Variants in FGD4 observed in about 807,000 individuals in gnomAD.
The protein encoded by FGD4 is FYVE, RhoGEF and PH domain-containing protein 4.
Under a neutral mutation model 102.0 loss-of-function variants are expected in FGD4, and 42 were observed. That is an observed-to-expected ratio of 0.41 (90% CI 0.32 to 0.53). The LOEUF (loss-of-function observed/expected upper bound fraction) is 0.53, where lower values mean the gene tolerates loss of function less well. Ranked by LOEUF, FGD4 falls within the 20% of genes least tolerant of loss-of-function variation. The pLI is 0.21. For synonymous variants in FGD4, 380 were observed against 375.7 expected (o/e 1.01, Z -0.13); for missense variants, 902 against 1,078.2 (o/e 0.84, Z 2.29).
intron 1 of FGD4, among the ~76,000 whole-genome samples, chr12:32,509,868 C>A (rs1048022273): frequency 2.0e-5 from 3 of 152,134 alleles, no homozygotes; most frequent in African/African-American, 7.2e-5. Flanking sequence ...CTCTTAGGAT[C>A]CCTCTGTGAA....
Position 32,619,702 on chromosome 12 carries a change from A to G in FGD4, c.1754A>G (p.Asn585Ser). ...ATATGTTCTCGTTCCTTGCAGTTCA[A>G]CAACATGTTGCTGTACTGTGTGCCC... ...SAQERYLFLF[N>S]NMLLYCVPKF... Residue 585 changes from asparagine (N) to serine (S), a missense_variant, in exon 11 of 17, where the codon AAC (asparagine) becomes AGC (serine). Transcript: ENST00000534526. 6.2e-7 allele frequency: 1 copy of G among 1,614,102 alleles called. No individual in the cohort carries two copies.
At position 32,399,979 on chromosome 12, in the gene FGD4, G is replaced by A. The variant is rs1198429164; in HGVS notation, c.166+20G>A. On this transcript the variant is annotated intron_variant, in intron 1 of 16. Coordinates refer to ENST00000534526, the MANE Select transcript of FGD4 (RefSeq NM_001370298.3). ...CCACAGGTAAGCGCCTCGGGGCGCG[G>A]GGGAAGGGTGGCCCCGGCGCGTAGG... The A allele has an allele frequency of 1.4e-6, 2 of 1,440,014 alleles. No individual in the cohort carries two copies. The highest frequency in any genetic ancestry group is 5.6e-5 in the East Asian group (2 of 35,982). The allele number at this position is 1,440,014 out of a possible 1,614,324, so 89.2% of individuals were successfully genotyped here.
intron 1 of FGD4, among the ~76,000 whole-genome samples, chr12:32,451,677 C>T (rs1031914253): frequency 2.6e-5 from 4 of 151,292 alleles, no homozygotes; most frequent in South Asian, 2.1e-4. Context: ...AAGGCCGAGG[C>T]GGGTGGATCA....
chr12:32,468,757 T>C (rs935503334), intron 1 of FGD4, among the ~76,000 whole-genome samples: 3 of 152,164 alleles, frequency 2.0e-5, no homozygotes, highest in Non-Finnish European at 4.4e-5. Context: ...GAAAAGATAT[T>C]GTAACCATGT....
intron 3 of FGD4, among the ~76,000 whole-genome samples, chr12:32,580,520 A>G (rs1946518762): frequency 6.6e-6 from 1 of 152,174 alleles, no homozygotes; most frequent in Non-Finnish European, 1.5e-5. Flanking sequence ...TTTAGGTCAC[A>G]GGAATCTTTC....
chr12:32,400,801 A>G (rs916378198), intron 1 of FGD4, among the ~76,000 whole-genome samples: 1 of 152,232 alleles, frequency 6.6e-6, no homozygotes, highest in Non-Finnish European at 1.5e-5. Context: ...CAGCAGAAAT[A>G]CAAATAATTC....
At chr12:32,400,027 CG>C in intron 1 of FGD4, 68 bp downstream of exon 1, 1 of 1,401,970 alleles carries the variant, frequency 7.1e-7, no homozygotes, top group South Asian at 1.5e-5. Flanking sequence ...GCGCTCCCAG[CG>C]CCCTGCAGGT....
rs535117781 is a variant in FGD4, at chr12:32,575,329, C to T, written c.320-937C>T. Among the ~76,000 whole-genome samples, 1,156 of 152,198 alleles carry T rather than the reference C, an allele frequency of 7.6e-3. 10 individuals are homozygous for T. Among genetic ancestry groups the T allele is most frequent in the African/African-American group, 0.026 (1,093 of 41,524 alleles). On this transcript the variant is annotated intron_variant, in intron 2 of 16. Transcript: ENST00000534526. ...TTCTGGTGAGAGCCTCAGGCTGCTT[C>T]CATTCATGGCAGAAGATAAAGGGTA... is the stretch of plus-strand genomic sequence containing the variant.
At chr12:32,595,245 T>C (rs1447950326) in intron 4 of FGD4, among the ~76,000 whole-genome samples, 1 of 152,190 alleles carries the variant, frequency 6.6e-6, no homozygotes, top group African/African-American at 2.4e-5. Context: ...TTTTATCTCT[T>C]TTTCCTTATA....
intron 4 of FGD4, among the ~76,000 whole-genome samples, chr12:32,590,309 T>TA (rs939160366): frequency 0.053 from 4,227 of 80,344 alleles, 164 homozygotes; most frequent in African/African-American, 0.12. Flanking sequence ...AGACTTCATC[T>TA]AAAAAAAAAA....
At chr12:32,571,106 A>G (rs556405089) in intron 2 of FGD4, among the ~76,000 whole-genome samples, 77 of 152,284 alleles carry the variant, frequency 5.1e-4, no homozygotes, top group Middle Eastern at 3.4e-3. Context: ...TCAGTCTTTG[A>G]TAGGAGCAGT....
At chr12:32,499,737 C>T (rs920498421) in intron 1 of FGD4, among the ~76,000 whole-genome samples, 4 of 152,168 alleles carry the variant, frequency 2.6e-5, no homozygotes, top group South Asian at 2.1e-4. Flanking sequence ...TCTTCTCTGC[C>T]GGGCAAGGTG....
intron 16 of FGD4, among the ~76,000 whole-genome samples, chr12:32,639,220 A>G (rs539722424): frequency 7.0e-4 from 107 of 152,086 alleles, no homozygotes; most frequent in Non-Finnish European, 1.3e-3. Context: ...CTATAGTGCA[A>G]TGGTGCAATC....
intron 1 of FGD4, among the ~76,000 whole-genome samples, chr12:32,541,983 C>G (rs962276196): frequency 1.3e-5 from 2 of 152,098 alleles, no homozygotes; most frequent in African/African-American, 4.8e-5. Context: ...ATGTACTTCC[C>G]AGATAAACAT....
intron 1 of FGD4, among the ~76,000 whole-genome samples, chr12:32,401,544 A>G (rs1210826910): frequency 1.3e-5 from 2 of 152,036 alleles, no homozygotes; most frequent in Non-Finnish European, 2.9e-5. Flanking sequence ...TACAGATGTG[A>G]GCCACCACAT....
At chr12:32,512,182 C>A (rs1009412149) in intron 1 of FGD4, among the ~76,000 whole-genome samples, 13 of 152,022 alleles carry the variant, frequency 8.6e-5, no homozygotes, top group African/African-American at 3.1e-4. Context: ...TGCAGTGGCT[C>A]TCACCTGTAA....
intron 1 of FGD4, among the ~76,000 whole-genome samples, chr12:32,500,378 CTTATTTTATTTTATTTTTATTTTATT>C (rs1938106153): frequency 6.7e-6 from 1 of 148,566 alleles, no homozygotes; most frequent in African/African-American, 2.5e-5. Context: ...TCTTTCTGAC[CTTATTTTATTTTATTTTTATTTTATT>C]TTATTTTATT....
At chr12:32,490,615 T>A (rs1565773415) in intron 1 of FGD4, among the ~76,000 whole-genome samples, 2 of 152,042 alleles carry the variant, frequency 1.3e-5, no homozygotes, top group South Asian at 2.1e-4. Flanking sequence ...GCCAGGCTGG[T>A]CTTGAACTCC....
intron 5 of FGD4, chr12:32,600,584 C>CGTT (rs1948331141): frequency 3.7e-6 from 1 of 267,972 alleles, no homozygotes. Flanking sequence ...TTCTTTCTTT[C>CGTT]TTTCTTTCTT....
Sources: allele counts gnomAD v4.1 joint callset (sites outside exome capture counted in the v4.1 genomes callset), GRCh38; gene constraint gnomAD v4.1.1; transcripts MANE v1.5; gene names NCBI Gene and HGNC (gene_info 2026-07-23, HGNC 2026-07-21).